The following RNF130 variants were observed in gnomAD, a reference collection of about 807,000 sequenced individuals.
The protein encoded by RNF130 is E3 ubiquitin-protein ligase RNF130.
Under a neutral mutation model 44.6 loss-of-function variants are expected in RNF130, and 21 were observed. The observed-to-expected ratio is 0.47, with a 90% CI of 0.33 to 0.68. RNF130 has a LOEUF of 0.68. RNF130 is among the 30% of genes least tolerant of loss of function. The pLI, the probability that RNF130 is intolerant of heterozygous loss-of-function variation, is 0.02. For missense variants in RNF130, 479 were observed against 560.6 expected, an observed-to-expected ratio of 0.85 and a Z score of 1.47; for synonymous variants, 214 against 210.4, an observed-to-expected ratio of 1.02 and a Z score of -0.15.
intron 2 of RNF130, among the ~76,000 whole-genome samples, chr5:180,034,171 G>C (rs1167585170): frequency 1.3e-5 from 2 of 149,930 alleles, no homozygotes; most frequent in African/African-American, 4.9e-5. Flanking sequence ...TGGTTAGTTG[G>C]CTTTTTCATT....
At chr5:180,012,497 C>T (rs1763615986) in intron 3 of RNF130, among the ~76,000 whole-genome samples, 1 of 152,108 alleles carries the variant, frequency 6.6e-6, no homozygotes, top group African/African-American at 2.4e-5. Flanking sequence ...TAGGTTTATT[C>T]ACTCAACCAA....
intron 1 of RNF130, among the ~76,000 whole-genome samples, chr5:180,067,742 G>T (rs1765140547): frequency 6.6e-6 from 1 of 152,150 alleles, no homozygotes; most frequent in African/African-American, 2.4e-5. Context: ...CTGCTCCCAT[G>T]ATCATATATC....
chr5:179,994,211 T>C (rs1457321273), intron 3 of RNF130, among the ~76,000 whole-genome samples: 2 of 152,204 alleles, frequency 1.3e-5, no homozygotes, highest in Non-Finnish European at 2.9e-5. Flanking sequence ...TTTGGTTCCA[T>C]ATGAACTTTA....
At chr5:179,999,768 C>T (rs1402617039) in intron 3 of RNF130, among the ~76,000 whole-genome samples, 1 of 152,144 alleles carries the variant, frequency 6.6e-6, no homozygotes, top group Non-Finnish European at 1.5e-5. Flanking sequence ...TTGTAGGTAG[C>T]ATATAATTGT....
intron 6 of RNF130, among the ~76,000 whole-genome samples, chr5:179,968,431 C>T (rs1017184916): frequency 2.0e-5 from 3 of 151,960 alleles, no homozygotes; most frequent in Non-Finnish European, 4.4e-5. Flanking sequence ...TGTGGGAGGC[C>T]GAGAAGGGCA....
chr5:179,957,576 C>A (rs2113694549), intron 8 of RNF130, among the ~76,000 whole-genome samples: 2 of 152,304 alleles, frequency 1.3e-5, no homozygotes, highest in Middle Eastern at 6.8e-3. Context: ...CTGAAGTAGT[C>A]AAATGCAAGC....
intron 2 of RNF130, among the ~76,000 whole-genome samples, chr5:180,026,905 G>C (rs932894576): frequency 2.0e-5 from 3 of 152,182 alleles, no homozygotes; most frequent in African/African-American, 7.2e-5. Context: ...TGCCAGTCCA[G>C]TATGCAAAGA....
chr5:179,944,135 C>G (rs1762004233), intron 7 of RNF130, among the ~76,000 whole-genome samples: 1 of 150,494 alleles, frequency 6.6e-6, no homozygotes, highest in Admixed American at 6.6e-5. Flanking sequence ...CCATGCCTAG[C>G]TTTTTGTATT....
At chr5:180,035,293 T>C (rs1764225434) in intron 2 of RNF130, among the ~76,000 whole-genome samples, 1 of 152,242 alleles carries the variant, frequency 6.6e-6, no homozygotes, top group South Asian at 2.1e-4. Context: ...CCGTGTGTTA[T>C]TTAGATGTGT....
chr5:180,020,796 G>A (rs921569214), intron 2 of RNF130, among the ~76,000 whole-genome samples: 80 of 152,238 alleles, frequency 5.3e-4, no homozygotes, highest in African/African-American at 1.8e-3. Context: ...AGGCAGAAGG[G>A]GGGTGGGCAC....
intron 4 of RNF130, 81 bp downstream of exon 4, chr5:179,980,047 AT>A: frequency 1.8e-6 from 2 of 1,122,866 alleles, no homozygotes; most frequent in African/African-American, 1.5e-5. Context: ...AATGTAAACA[AT>A]TAGGGTGTGT....
At chr5:180,026,125 A>C (rs1337993221) in intron 2 of RNF130, among the ~76,000 whole-genome samples, 1 of 152,124 alleles carries the variant, frequency 6.6e-6, no homozygotes, top group African/African-American at 2.4e-5. Flanking sequence ...TCCAAAAAAA[A>C]AAAAGAAAAA....
intron 5 of RNF130, among the ~76,000 whole-genome samples, chr5:179,975,660 C>T (rs1762702504): frequency 6.6e-6 from 1 of 152,026 alleles, no homozygotes; most frequent in East Asian, 1.9e-4. Context: ...CCGCTCAGTT[C>T]CACAGCAACA....
chr5:179,938,240 G>A (rs566968461), intron 7 of RNF130, among the ~76,000 whole-genome samples: 29 of 152,226 alleles, frequency 1.9e-4, no homozygotes, highest in African/African-American at 6.5e-4. Context: ...TCACAGGCAC[G>A]AGTCACCGCG....
intron 4 of RNF130, among the ~76,000 whole-genome samples, chr5:179,979,781 G>A (rs1009937200): frequency 1.3e-5 from 2 of 152,142 alleles, no homozygotes; most frequent in African/African-American, 2.4e-5. Context: ...CCCTAGAAAT[G>A]CAGGTCTTCA....
chr5:179,966,224 C>A (rs553350696), intron 7 of RNF130, among the ~76,000 whole-genome samples: 1 of 152,266 alleles, frequency 6.6e-6, no homozygotes, highest in African/African-American at 2.4e-5. Flanking sequence ...AACTAGCTCA[C>A]GGTATTTTTT....
At chr5:180,020,019 G>A (rs887100939) in intron 2 of RNF130, among the ~76,000 whole-genome samples, 1 of 152,178 alleles carries the variant, frequency 6.6e-6, no homozygotes, top group Non-Finnish European at 1.5e-5. Context: ...CTAAGAAAGG[G>A]TCCAGGGAAC....
intron 1 of RNF130, among the ~76,000 whole-genome samples, chr5:180,055,004 G>A (rs887263351): frequency 5.3e-5 from 8 of 151,982 alleles, no homozygotes; most frequent in African/African-American, 1.7e-4. Context: ...GTTCCTAAAT[G>A]TATTTGAGTT....
intron 2 of RNF130, among the ~76,000 whole-genome samples, chr5:180,025,513 AAATT>A (rs1326697167): frequency 7.9e-5 from 12 of 152,214 alleles, no homozygotes; most frequent in African/African-American, 2.7e-4. Flanking sequence ...AGAAAAAAGA[AAATT>A]AAGAGCTTAT....
Sources: allele counts gnomAD v4.1 joint callset (sites outside exome capture counted in the v4.1 genomes callset), GRCh38; gene constraint gnomAD v4.1.1; transcripts MANE v1.5; gene names NCBI Gene and HGNC (gene_info 2026-07-23, HGNC 2026-07-21).